Variants in CCAR1 observed in about 807,000 individuals in gnomAD.
The protein encoded by CCAR1 is cell division cycle and apoptosis regulator protein 1.
In CCAR1, 78 loss-of-function variants were observed where a neutral mutation model predicts 163.8. That is an observed-to-expected ratio of 0.48 (90% CI 0.40 to 0.57). CCAR1 has a LOEUF of 0.57. Among genes scored for constraint, CCAR1 ranks in the 20% least tolerant of loss-of-function variants. The pLI, the probability that CCAR1 is intolerant of heterozygous loss-of-function variation, is 0.00. For missense variants in CCAR1, 1,019 were observed against 1,365.2 expected (o/e 0.75, Z 4.00); for synonymous variants, 443 against 460.7 (o/e 0.96, Z 0.49).
chr10:68,751,939 T>G (rs1245611283), intron 10 of CCAR1, among the ~76,000 whole-genome samples: 1 of 142,338 alleles, frequency 7.0e-6, no homozygotes, highest in Non-Finnish European at 1.5e-5. Flanking sequence ...TTTTTTGAGA[T>G]GGAGTCTTGC....
At chr10:68,753,784 C>T in intron 10 of CCAR1, 68 bp from the exon 11 acceptor site, 1 of 1,138,686 alleles carries the variant, frequency 8.8e-7, no homozygotes, top group South Asian at 1.4e-5. Flanking sequence ...ATATTTGCTA[C>T]AGAATTAAAT....
At chr10:68,721,524 C>T (rs1201764693) in intron 1 of CCAR1, 3 of 445,358 alleles carry the variant, frequency 6.7e-6, no homozygotes, top group Non-Finnish European at 1.3e-5. Flanking sequence ...CCCCAGCGCC[C>T]CTCAGCCTCG....
chr10:68,734,459 C>A (rs1165876963), intron 2 of CCAR1, among the ~76,000 whole-genome samples: 3 of 151,934 alleles, frequency 2.0e-5, no homozygotes, highest in Admixed American at 2.0e-4. Flanking sequence ...TCAAGACCAG[C>A]CTGGGCAACA....
chr10:68,750,531 C>A (rs940510083), intron 10 of CCAR1, among the ~76,000 whole-genome samples: 2 of 152,086 alleles, frequency 1.3e-5, no homozygotes, highest in African/African-American at 4.8e-5. Flanking sequence ...GGCCAAGTTG[C>A]CAGGAATTTC....
chr10:68,749,283 T>C lies in CCAR1; in HGVS notation c.956+18T>C. On this transcript the variant is annotated intron_variant, in intron 9 of 24. Coordinates refer to ENST00000265872, the MANE Select transcript of CCAR1 (RefSeq NM_018237.4). ...GATCGAAGGTATATTTTCTAAAGTG[T>C]ACTGTGGATGGTGGCAATGGTTGTA... 1 of 1,593,538 alleles carries C rather than the reference T, an allele frequency of 6.3e-7. No individual in the cohort carries two copies. The highest frequency in any genetic ancestry group is 8.5e-7 in the Non-Finnish European group (1 of 1,171,790).
chr10:68,788,803 A>G (rs946640141), intron 23 of CCAR1, among the ~76,000 whole-genome samples: 2 of 151,892 alleles, frequency 1.3e-5, no homozygotes, highest in African/African-American at 2.4e-5. Flanking sequence ...ACTTTTCACT[A>G]TTTCTGGTTC....
Position 68,791,273 on chromosome 10 carries a change from C to A in CCAR1, c.*7C>A. 6.3e-7 allele frequency: 1 copy of A among 1,575,518 alleles called. No homozygotes were observed. Among genetic ancestry groups the A allele is most frequent in the Non-Finnish European group, 8.7e-7 (1 of 1,151,324 alleles). On this transcript the variant is annotated 3_prime_UTR_variant, in exon 25 of 25. Coordinates refer to ENST00000265872, the MANE Select transcript of CCAR1 (RefSeq NM_018237.4). ...GAATGGTGCCAGTGTATGATAAAAT[C>A]CATGTAGTGATGAGGAATGGTGTTA...
chr10:68,750,365 G>A (rs1382820191), intron 10 of CCAR1, among the ~76,000 whole-genome samples: 2 of 151,896 alleles, frequency 1.3e-5, no homozygotes, highest in Non-Finnish European at 2.9e-5. Context: ...GGGATTACAG[G>A]TGCTCAGCAC....
At position 68,786,138 on chromosome 10, in the gene CCAR1, A is replaced by G. The variant is rs1317190290; in HGVS notation, c.2653A>G (p.Arg885Gly). ...CCACTGTTATATTTATTTTACAGAT[A>G]GGGATGAGGAAGAAATGACCAAACG... ...AEEAEDEEDD[R>G]DEEEMTKRDD... The change falls in exon 20 of 25, where the codon AGG becomes GGG. Residue 885 changes from arginine to glycine, a missense_variant and splice_region_variant. Transcript: ENST00000265872. 1 of 1,606,074 alleles carries G rather than the reference A, an allele frequency of 6.2e-7. No individual in the cohort carries two copies. Among genetic ancestry groups the G allele is most frequent in the Non-Finnish European group, 8.5e-7 (1 of 1,173,342 alleles).
chr10:68,764,469 C>T lies in CCAR1; in HGVS notation c.2107-1419C>T, dbSNP rs764118340. On this transcript the variant is annotated intron_variant, in intron 16 of 24. Transcript: ENST00000265872. ...GGATTGCTTGAACCCAGGAGGTCAA[C>T]GCTATTTGTGAGCTATGATCACACC... Among the ~76,000 whole-genome samples, 8 of 151,706 alleles carry T rather than the reference C, an allele frequency of 5.3e-5. No individual in the cohort carries two copies. In the South Asian group the frequency reaches 6.2e-4, roughly 12 times the overall value.
intron 2 of CCAR1, 96 bp from the exon 3 acceptor site, chr10:68,736,780 A>T (rs1425262005): frequency 1.0e-6 from 1 of 1,004,590 alleles, no homozygotes; most frequent in Non-Finnish European, 1.5e-6. Flanking sequence ...TGGAGTGAAC[A>T]TGGGGGTGCG....
At chr10:68,769,013 C>T (rs1470744815) in intron 17 of CCAR1, among the ~76,000 whole-genome samples, 4 of 152,098 alleles carry the variant, frequency 2.6e-5, no homozygotes, top group African/African-American at 9.7e-5. Flanking sequence ...CTCACCCTGT[C>T]GCCCAGGCTG....
intron 20 of CCAR1, 61 bp downstream of exon 20, chr10:68,786,279 C>G: frequency 8.3e-7 from 1 of 1,209,628 alleles, no homozygotes; most frequent in East Asian, 2.5e-5. Context: ...CTAAACATAA[C>G]ACAGTTGTGA....
intron 18 of CCAR1, 79 bp downstream of exon 18, chr10:68,771,524 T>C: frequency 7.7e-7 from 1 of 1,300,428 alleles, no homozygotes; most frequent in South Asian, 1.4e-5. Flanking sequence ...TCCATCAGAA[T>C]ATTAGATGTA....
rs750440900 is a variant in CCAR1 at position 68,757,424 on chromosome 10, G to A, written c.1920+47G>A. 4.5e-6 allele frequency: 5 copies of A among 1,110,768 alleles called. No individual in the cohort carries two copies. The Admixed American group carries it at 7.3e-5, about 16-fold the overall frequency. 68.8% of individuals were successfully genotyped at this position (1,110,768 alleles called of 1,614,324 possible). A position where few individuals can be genotyped will look rare whatever the true frequency, so the allele number is the denominator to read the frequency against. ...TTTATTTATTTTTTTCAATTAAAAA[G>A]TTCTTTCTGAGATGGAGTCTCGCTC... On this transcript the variant is annotated intron_variant, in intron 15 of 24. Coordinates refer to ENST00000265872, the MANE Select transcript of CCAR1 (RefSeq NM_018237.4).
intron 2 of CCAR1, among the ~76,000 whole-genome samples, chr10:68,733,503 ATTCTT>A (rs926739266): frequency 2.0e-5 from 3 of 151,130 alleles, no homozygotes; most frequent in African/African-American, 7.3e-5. Context: ...TTCACTGTAG[ATTCTT>A]CTCTTTCTTT....
At chr10:68,738,684 C>T (rs1425836309) in intron 4 of CCAR1, among the ~76,000 whole-genome samples, 1 of 151,874 alleles carries the variant, frequency 6.6e-6, no homozygotes, top group Non-Finnish European at 1.5e-5. Context: ...AGGAGTAGGA[C>T]TCCTAGTCCC....
chr10:68,749,304 T>G (rs2056300971), intron 9 of CCAR1, 39 bp downstream of exon 9: 1 of 1,557,020 alleles, frequency 6.4e-7, no homozygotes, highest in African/African-American at 1.4e-5. Context: ...GTGGCAATGG[T>G]TGTACAACAA....
chr10:68,765,026 T>C, intron 16 of CCAR1, among the ~76,000 whole-genome samples: 1 of 152,262 alleles, frequency 6.6e-6, no homozygotes, highest in East Asian at 1.9e-4. Flanking sequence ...CAGATAGCTT[T>C]TCTAAATTCA....
Sources: allele counts gnomAD v4.1 joint callset (sites outside exome capture counted in the v4.1 genomes callset), GRCh38; gene constraint gnomAD v4.1.1; transcripts MANE v1.5; gene names NCBI Gene and HGNC (gene_info 2026-07-23, HGNC 2026-07-21).